The following AUTS2 variants were observed in gnomAD, a reference collection of about 807,000 sequenced individuals.
AUTS2 encodes activator of transcription and developmental regulator AUTS2, also known as autism susceptibility gene 2 protein.
In AUTS2, 17 loss-of-function variants were observed where a neutral mutation model predicts 112.4. The observed-to-expected ratio is 0.15, with a 90% CI of 0.10 to 0.23. The LOEUF (loss-of-function observed/expected upper bound fraction) is 0.23, where lower values mean the gene tolerates loss of function less well. AUTS2 is among the 10% of genes least tolerant of loss of function. The pLI is 1.00. For missense variants in AUTS2, 1,510 were observed against 1,701.6 expected, an observed-to-expected ratio of 0.89 and a Z score of 1.98; for synonymous variants, 751 against 702.7, an observed-to-expected ratio of 1.07 and a Z score of -1.09.
At chr7:69,697,408 C>G (rs1797604462) in intron 1 of AUTS2, among the ~76,000 whole-genome samples, 1 of 152,210 alleles carries the variant, frequency 6.6e-6, no homozygotes, top group African/African-American at 2.4e-5. Flanking sequence ...AAAATGATCT[C>G]TGCCTTGGGG....
chr7:70,230,820 C>T (rs1028396456), intron 4 of AUTS2, among the ~76,000 whole-genome samples: 20 of 152,326 alleles, frequency 1.3e-4, no homozygotes, highest in African/African-American at 4.8e-4. Flanking sequence ...CAGTGTTGTC[C>T]TTTCCTGATT....
At chr7:70,667,624 G>GA (rs772690461) in intron 5 of AUTS2, among the ~76,000 whole-genome samples, 12 of 152,184 alleles carry the variant, frequency 7.9e-5, no homozygotes, top group Non-Finnish European at 1.5e-4. Context: ...GCCCATTGCT[G>GA]ATGCTTCTTC....
chr7:70,774,422 C>G, intron 12 of AUTS2: 1 of 282,202 alleles, frequency 3.5e-6, no homozygotes, highest in East Asian at 6.8e-5. Flanking sequence ...CTTAAATTGT[C>G]TTACACAAAT....
chr7:70,592,783 T>C (rs1274704813), intron 5 of AUTS2, among the ~76,000 whole-genome samples: 1 of 152,226 alleles, frequency 6.6e-6, no homozygotes, highest in Non-Finnish European at 1.5e-5. Context: ...CATTAATGTT[T>C]GTTGAACATA....
intron 1 of AUTS2, among the ~76,000 whole-genome samples, chr7:69,816,109 G>A (rs1008581063): frequency 6.6e-6 from 1 of 152,202 alleles, no homozygotes; most frequent in Admixed American, 6.5e-5. Flanking sequence ...TAGAAATGAT[G>A]CCTAGGTTTG....
At chr7:70,000,054 G>A (rs1295849219) in intron 2 of AUTS2, among the ~76,000 whole-genome samples, 1 of 152,210 alleles carries the variant, frequency 6.6e-6, no homozygotes, top group Non-Finnish European at 1.5e-5. Flanking sequence ...GAATTCACCT[G>A]TTTCTTGCAG....
At position 70,785,033 on chromosome 7, in the gene AUTS2, A is replaced by G; in HGVS notation, c.2224+14A>G. 1 of 1,613,408 alleles carries G rather than the reference A, an allele frequency of 6.2e-7. No individual in the cohort carries two copies. Among genetic ancestry groups the G allele is most frequent in the Admixed American group, 1.7e-5 (1 of 60,026 alleles). ...CTGCCCACCTAGGTGAGTCGCCCAA[A>G]ATAATGGGAACTGAGATGTGTGCTT... On this transcript the variant is annotated intron_variant, in intron 16 of 18. Transcript: ENST00000342771.
intron 5 of AUTS2, among the ~76,000 whole-genome samples, chr7:70,640,086 TAACTC>T (rs1273069399): frequency 4.6e-5 from 7 of 152,118 alleles, no homozygotes; most frequent in African/African-American, 9.7e-5. Context: ...TTTATACTCT[TAACTC>T]AGAGCAGATT....
chr7:70,699,365 G>C (rs1242588435), intron 6 of AUTS2: 1 of 152,162 alleles, frequency 6.6e-6, no homozygotes, highest in East Asian at 1.9e-4. Flanking sequence ...TTAGGGGCTG[G>C]CATGATAATT....
In AUTS2 at chr7:70,177,430, G is replaced by T. The variant is rs1524520; in HGVS notation, c.660+42859G>T. 5.3e-5 allele frequency among the ~76,000 whole-genome samples: 8 copies of T among 152,188 alleles called. No individual in the cohort carries two copies. The East Asian group carries it at 1.3e-3, about 26-fold the overall frequency. On this transcript the variant is annotated intron_variant, in intron 4 of 18. Coordinates refer to ENST00000342771, the MANE Select transcript of AUTS2 (RefSeq NM_015570.4). ...TGATACCTCAGAGATGAATGTGTGC[G>T]TGGTGGTTATGGGAGAAGAGAACCA...
chr7:70,349,734 G>A (rs977804569), intron 4 of AUTS2, among the ~76,000 whole-genome samples: 7 of 151,864 alleles, frequency 4.6e-5, no homozygotes, highest in African/African-American at 1.5e-4. Context: ...TGGACAAACC[G>A]AAGTCATTTT....
intron 2 of AUTS2, among the ~76,000 whole-genome samples, chr7:69,969,819 G>A (rs931305010): frequency 6.6e-6 from 1 of 152,124 alleles, no homozygotes; most frequent in Admixed American, 6.5e-5. Flanking sequence ...GCTTGTAATT[G>A]TTGGAAAGAT....
chr7:69,868,470 T>G (rs1317353369), intron 1 of AUTS2, among the ~76,000 whole-genome samples: 1 of 152,210 alleles, frequency 6.6e-6, no homozygotes, highest in Non-Finnish European at 1.5e-5. Flanking sequence ...CAGTAAATTC[T>G]TGATTGAGCG....
chr7:70,695,076 G>C (rs1431388365), intron 5 of AUTS2: 1 of 152,262 alleles, frequency 6.6e-6, no homozygotes, highest in Non-Finnish European at 1.5e-5. Context: ...CGGCTCGCTT[G>C]CCTACCTCTC....
chr7:69,921,184 T>C (rs945889002), intron 2 of AUTS2, among the ~76,000 whole-genome samples: 1 of 152,202 alleles, frequency 6.6e-6, no homozygotes, highest in Non-Finnish European at 1.5e-5. Context: ...GTGTTTTTCC[T>C]GACTTTCTTG....
intron 1 of AUTS2, among the ~76,000 whole-genome samples, chr7:69,731,467 G>A (rs1403832124): frequency 2.0e-5 from 3 of 152,166 alleles, no homozygotes; most frequent in African/African-American, 7.2e-5. Context: ...TTAAGAAAAT[G>A]TATGTGAAAT....
rs11356506 is a variant in AUTS2 at position 70,792,642 on chromosome 7, TA to T, written c.*1654del. On this transcript the variant is annotated 3_prime_UTR_variant, in exon 19 of 19. Transcript: ENST00000342771. ...TTTTTTTTTTTTTTAAGACAACAAC[TA>T]AAAAAAATGCAAGGAATATGTACAC... The T allele has an allele frequency of 0.72, 108,031 of 149,720 alleles. 39,297 individuals carry two copies. Among genetic ancestry groups the T allele is most frequent in the Middle Eastern group, 0.8 (229 of 288 alleles). The allele number at this position is 149,720 out of a possible 1,614,324, so 9.3% of individuals were successfully genotyped here. A position where few individuals can be genotyped will look rare whatever the true frequency, so the allele number is the denominator to read the frequency against.
rs375211077 is a variant in AUTS2, at chr7:70,753,922, C to T, written c.743-8948C>T. Among the ~76,000 whole-genome samples, 37 of 151,848 alleles carry T rather than the reference C, an allele frequency of 2.4e-4. No individual in the cohort carries two copies. In the South Asian group the frequency reaches 7.1e-3, roughly 29 times the overall value. On this transcript the variant is annotated intron_variant, in intron 6 of 18. Transcript: ENST00000342771. ...CTGTAATCCCCGCACTTTGGGAGGC[C>T]GAGGCGGGTGGATCACGAGGTCAGG...
chr7:70,521,398 T>C (rs1799641727), intron 5 of AUTS2, among the ~76,000 whole-genome samples: 1 of 152,178 alleles, frequency 6.6e-6, no homozygotes, highest in South Asian at 2.1e-4. Context: ...TGGTGGGCAG[T>C]GGGATACCAT....
Sources: allele counts gnomAD v4.1 joint callset (sites outside exome capture counted in the v4.1 genomes callset), GRCh38; gene constraint gnomAD v4.1.1; transcripts MANE v1.5; gene names NCBI Gene and HGNC (gene_info 2026-07-23, HGNC 2026-07-21).